KLKB1: variants seen among roughly 807,000 people sequenced by gnomAD.
KLKB1 encodes plasma kallikrein.
In KLKB1, 58 loss-of-function variants were observed where a neutral mutation model predicts 73.6. That is an observed-to-expected ratio of 0.79 (90% CI 0.64 to 0.98). The LOEUF (loss-of-function observed/expected upper bound fraction) is 0.98. KLKB1 is among the 50% of genes least tolerant of loss of function. KLKB1 has a pLI of 0.00. For synonymous variants in KLKB1, 280 were observed against 258.1 expected, an observed-to-expected ratio of 1.08 and a Z score of -0.81; for missense variants, 737 against 763.8, an observed-to-expected ratio of 0.96 and a Z score of 0.41.
Position 186,238,338 on chromosome 4 carries a change from C to G in KLKB1, c.571C>G (p.Leu191Val). The G allele has an allele frequency of 2.5e-6, 4 of 1,613,434 alleles. No homozygotes were observed. Among genetic ancestry groups the G allele is most frequent in the Non-Finnish European group, 3.4e-6 (4 of 1,179,392 alleles). Reference sequence around the variant, plus strand: ...GAGTAACGTGGAATCTGGATTCTCACTGAAGCCCTGTGCCCTTTCAGAAAT... The same window carrying G: ...GAGTAACGTGGAATCTGGATTCTCAGTGAAGCCCTGTGCCCTTTCAGAAAT... ...VLSNVESGFS[L>V]KPCALSEIGC... Residue 191 changes from leucine to valine, a missense_variant, in exon 6 of 15, where the codon CTG (leucine) becomes GTG (valine). Transcript: ENST00000264690.
upstream of KLKB1, among the ~76,000 whole-genome samples, chr4:186,225,492 C>T (rs866792800): frequency 2.2e-5 from 3 of 135,822 alleles, no homozygotes; most frequent in East Asian, 2.1e-4. Flanking sequence ...TGTGCAGTGG[C>T]GCAATCTCGG....
intron 6 of KLKB1, among the ~76,000 whole-genome samples, chr4:186,247,497 AC>A (rs1302235792): frequency 6.6e-6 from 1 of 151,974 alleles, no homozygotes; most frequent in Non-Finnish European, 1.5e-5. Context: ...TAAGGCAGGA[AC>A]CGGCCATTTT....
intron 2 of KLKB1, chr4:186,212,325 T>C (rs1579980067): frequency 6.6e-6 from 1 of 152,338 alleles, no homozygotes; most frequent in Non-Finnish European, 1.5e-5. Flanking sequence ...CATCTATATT[T>C]AGTAACCCAG....
intron 2 of KLKB1, among the ~76,000 whole-genome samples, chr4:186,214,271 G>T (rs1321378165): frequency 6.6e-6 from 1 of 152,212 alleles, no homozygotes; most frequent in Non-Finnish European, 1.5e-5. Flanking sequence ...GAGGCTCACT[G>T]CATGTCTGCC....
At chr4:186,248,224 G>A (rs1159883993) in intron 6 of KLKB1, among the ~76,000 whole-genome samples, 4 of 151,744 alleles carry the variant, frequency 2.6e-5, no homozygotes, top group Non-Finnish European at 5.9e-5. Flanking sequence ...CTCCAGCCTG[G>A]GCGACAGAGC....
intron 7 of KLKB1, chr4:186,250,938 A>AT (rs998969807): frequency 2.5e-5 from 11 of 438,848 alleles, no homozygotes; most frequent in Admixed American, 1.2e-4. Context: ...TTGTTCTTTG[A>AT]TTTTTTTGTT....
At position 186,258,066 on chromosome 4, in the gene KLKB1, C is replaced by T. The variant is rs780701746; in HGVS notation, c.1771C>T (p.Arg591Cys). 1.7e-5 allele frequency: 28 copies of T among 1,613,932 alleles called. No individual in the cohort carries two copies. Among genetic ancestry groups the T allele is most frequent in the East Asian group, 4.5e-5 (2 of 44,892 alleles). Residue 591 changes from arginine to cysteine, a missense_variant, in exon 15 of 15, where the codon CGT becomes TGT. By Grantham distance (180) the Arg-to-Cys change is radical. Transcript: ENST00000264690. The stretch of plus-strand genomic sequence containing the variant: ...AGTTTGCAAACACAATGGAATGTGG[C>T]GTTTGGTGGGCATCACCAGCTGGGG... The part of the protein sequence containing the change: ...PLVCKHNGMW[R>C]LVGITSWGEG...
rs1554075709 is a variant in KLKB1 at position 186,218,651 on chromosome 4, T to TGC, written c.201+9382_201+9383dup. ...CATAGTGTGTGTGTGTGTGTGTGTG[T>TGC]GCGCATGTGTGTGTGCTGAGAACCC... On this transcript the variant is annotated intron_variant, in intron 2 of 14. Transcript: ENST00000511608. 8.9e-4 allele frequency among the ~76,000 whole-genome samples: 135 copies of TGC among 150,850 alleles called. 1 individual carries two copies. Among genetic ancestry groups the TGC allele is most frequent in the African/African-American group, 2.5e-3 (101 of 41,102 alleles).
At chr4:186,214,401 C>T (rs764823634) in intron 2 of KLKB1, among the ~76,000 whole-genome samples, 1 of 152,294 alleles carries the variant, frequency 6.6e-6, no homozygotes, top group Non-Finnish European at 1.5e-5. Flanking sequence ...GTCAGGTCAG[C>T]CGAAGGATGA....
intron 6 of KLKB1, among the ~76,000 whole-genome samples, chr4:186,243,005 C>G (rs1440680582): frequency 6.6e-6 from 1 of 151,184 alleles, no homozygotes; most frequent in African/African-American, 2.4e-5. Context: ...ACCACGGTGG[C>G]CTTCTCAGAC....
chr4:186,214,982 G>A (rs1198805474), intron 2 of KLKB1, among the ~76,000 whole-genome samples: 1 of 152,106 alleles, frequency 6.6e-6, no homozygotes, highest in Non-Finnish European at 1.5e-5. Context: ...GTTGTGGTTT[G>A]CATTTATTGA....
chr4:186,240,614 C>T (rs773449189), intron 6 of KLKB1, among the ~76,000 whole-genome samples: 4 of 152,146 alleles, frequency 2.6e-5, no homozygotes, highest in African/African-American at 9.7e-5. Flanking sequence ...CAGTTTTCCG[C>T]AGTACTGGGT....
chr4:186,246,190 A>G (rs1003427746), intron 6 of KLKB1, among the ~76,000 whole-genome samples: 1 of 151,894 alleles, frequency 6.6e-6, no homozygotes, highest in Non-Finnish European at 1.5e-5. Context: ...AGGCTGAGGA[A>G]GAATTGGGAT....
upstream of KLKB1, among the ~76,000 whole-genome samples, chr4:186,222,143 T>C (rs1737046570): frequency 6.6e-6 from 1 of 152,222 alleles, no homozygotes; most frequent in South Asian, 2.1e-4. Flanking sequence ...TTCCAGCTTA[T>C]GTCTGTCCTT....
intron 2 of KLKB1, among the ~76,000 whole-genome samples, chr4:186,215,754 T>C (rs1343414828): frequency 6.6e-6 from 1 of 152,116 alleles, no homozygotes; most frequent in Non-Finnish European, 1.5e-5. Flanking sequence ...TTGTAATTTT[T>C]CTTGTACAGT....
chr4:186,225,449 G>A (rs1237896418), upstream of KLKB1, among the ~76,000 whole-genome samples: 1 of 117,080 alleles, frequency 8.5e-6, no homozygotes, highest in Non-Finnish European at 1.7e-5. Context: ...TTTTTAGATG[G>A]AGTCTAGCTC....
chr4:186,219,239 A>T (rs1295170681), intron 2 of KLKB1, among the ~76,000 whole-genome samples: 1 of 152,124 alleles, frequency 6.6e-6, no homozygotes, highest in Non-Finnish European at 1.5e-5. Flanking sequence ...CAGGAACAAT[A>T]CTTGGCATCC....
At chr4:186,245,797 T>C (rs1309987769) in intron 6 of KLKB1, among the ~76,000 whole-genome samples, 1 of 132,396 alleles carries the variant, frequency 7.6e-6, no homozygotes. Context: ...AATCTAATTT[T>C]TGGAGTTTTT....
At chr4:186,248,216 C>G (rs1046378905) in intron 6 of KLKB1, among the ~76,000 whole-genome samples, 6 of 151,978 alleles carry the variant, frequency 3.9e-5, no homozygotes, top group African/African-American at 1.4e-4. Context: ...CCACTGCACT[C>G]CAGCCTGGGC....
Sources: allele counts gnomAD v4.1 joint callset (sites outside exome capture counted in the v4.1 genomes callset), GRCh38; gene constraint gnomAD v4.1.1; transcripts MANE v1.5; gene names NCBI Gene and HGNC (gene_info 2026-07-23, HGNC 2026-07-21).